The following CSMD1 variants were observed in gnomAD, a reference collection of about 807,000 sequenced individuals.
CSMD1 encodes the protein CUB and sushi domain-containing protein 1.
CSMD1 carries 213 observed loss-of-function variants against 417.5 expected under a neutral mutation model. The observed-to-expected ratio is 0.51, with a 90% CI of 0.46 to 0.57. The LOEUF is 0.57. Among genes scored for constraint, CSMD1 ranks in the 20% least tolerant of loss-of-function variants. CSMD1 has a pLI of 0.00. For synonymous variants in CSMD1, 2,862 were observed against 1,736.8 expected (o/e 1.65, Z -16.11); for missense variants, 6,923 against 4,529.7 (o/e 1.53, Z -15.17).
intron 5 of CSMD1, among the ~76,000 whole-genome samples, chr8:3,972,887 C>G (rs116665226): frequency 0.027 from 4,143 of 151,970 alleles, 191 homozygotes; most frequent in African/African-American, 0.094. Context: ...TAAAAACCAT[C>G]AAAATGTAAA....
At chr8:4,426,816 T>C (rs2128943988) in intron 2 of CSMD1, among the ~76,000 whole-genome samples, 1 of 150,346 alleles carries the variant, frequency 6.7e-6, no homozygotes, top group Non-Finnish European at 1.5e-5. Context: ...TATGTAATAT[T>C]ACATGATACA....
chr8:3,108,180 G>C (rs1158869164), intron 44 of CSMD1, among the ~76,000 whole-genome samples: 1 of 152,186 alleles, frequency 6.6e-6, no homozygotes. Flanking sequence ...GGCAGTGTTC[G>C]TGAGAGATAA....
chr8:3,956,338 A>G (rs1811943678), intron 5 of CSMD1, among the ~76,000 whole-genome samples: 1 of 152,202 alleles, frequency 6.6e-6, no homozygotes, highest in South Asian at 2.1e-4. Context: ...TGAATCAGCA[A>G]GATGTTAGTC....
chr8:3,658,608 C>G (rs1798249900), intron 7 of CSMD1, among the ~76,000 whole-genome samples: 1 of 151,722 alleles, frequency 6.6e-6, no homozygotes, highest in Non-Finnish European at 1.5e-5. Context: ...CATGACAAAA[C>G]CCCATCTCTA....
chr8:3,251,741 G>C (rs1451258947), intron 26 of CSMD1, among the ~76,000 whole-genome samples: 1 of 152,016 alleles, frequency 6.6e-6, no homozygotes, highest in Non-Finnish European at 1.5e-5. Flanking sequence ...TTATTTCATT[G>C]AGCAGTGGAT....
At chr8:4,730,013 G>C (rs1002723912) in intron 1 of CSMD1, among the ~76,000 whole-genome samples, 1 of 152,026 alleles carries the variant, frequency 6.6e-6, no homozygotes, top group Admixed American at 6.6e-5. Flanking sequence ...TCGTGATTCA[G>C]AGCACACCTG....
intron 7 of CSMD1, among the ~76,000 whole-genome samples, chr8:3,658,806 T>A (rs1798261392): frequency 6.6e-6 from 1 of 152,020 alleles, no homozygotes; most frequent in Non-Finnish European, 1.5e-5. Flanking sequence ...AAAAATAAAG[T>A]CTTCCAACAA....
chr8:4,441,107 T>TGTTTGTTTG (rs1554478155), intron 2 of CSMD1, among the ~76,000 whole-genome samples: 10 of 125,028 alleles, frequency 8.0e-5, no homozygotes, highest in African/African-American at 2.9e-4. Context: ...TTTTTTTTTT[T>TGTTTGTTTG]TTTTTTTTTT....
At position 4,217,650 on chromosome 8, in the gene CSMD1, C is replaced by T. The variant is rs1157741625; in HGVS notation, c.416-185551G>A. On this transcript the variant is annotated intron_variant, in intron 3 of 69. Transcript: ENST00000635120. ...CTGTTGAAAAAGTTGACTCAGTTGACCTCATCAGAAAAAAAAAAAAATTAG... is the reference window on the plus strand; with the variant it reads ...CTGTTGAAAAAGTTGACTCAGTTGATCTCATCAGAAAAAAAAAAAAATTAG... Among the ~76,000 whole-genome samples, 4 of 118,710 alleles carry T rather than the reference C, an allele frequency of 3.4e-5. No individual in the cohort carries two copies. The East Asian group carries it at 1.2e-3, about 35-fold the overall frequency. The allele number at this position is 118,710 out of a possible 152,430, so 77.9% of individuals were successfully genotyped here. A position where few individuals can be genotyped will look rare whatever the true frequency, so the allele number is the denominator to read the frequency against.
At chr8:4,467,141 G>A (rs75446763) in intron 2 of CSMD1, among the ~76,000 whole-genome samples, 1,339 of 118,182 alleles carry the variant, frequency 0.011, 2 homozygotes, top group Middle Eastern at 0.031. Flanking sequence ...AAAAAAAAAA[G>A]AAAAAAAAAG....
At chr8:3,133,660 G>C (rs1289332899) in intron 41 of CSMD1, among the ~76,000 whole-genome samples, 1 of 152,278 alleles carries the variant, frequency 6.6e-6, no homozygotes, top group East Asian at 1.9e-4. Context: ...GGGGAGGGGT[G>C]AGTGTGATCA....
intron 2 of CSMD1, among the ~76,000 whole-genome samples, chr8:4,492,544 C>T (rs1238837682): frequency 6.6e-6 from 1 of 152,116 alleles, no homozygotes; most frequent in Non-Finnish European, 1.5e-5. Context: ...ACATGATTTG[C>T]TCTAGTTTTT....
chr8:4,448,585 C>T (rs1217463975), intron 2 of CSMD1, among the ~76,000 whole-genome samples: 1 of 152,096 alleles, frequency 6.6e-6, no homozygotes, highest in African/African-American at 2.4e-5. Context: ...CTGTATTGTG[C>T]AATTTTAAAG....
At chr8:3,349,585 A>T (rs1808254150) in intron 21 of CSMD1, among the ~76,000 whole-genome samples, 1 of 151,876 alleles carries the variant, frequency 6.6e-6, no homozygotes, top group African/African-American at 2.4e-5. Flanking sequence ...TGACTCAAAG[A>T]TGCCATTGGG....
Position 4,051,887 on chromosome 8 carries a change from C to CCTTT in CSMD1, c.416-19789_416-19788insAAAG, listed in dbSNP as rs1563058849. Among the ~76,000 whole-genome samples the CCTTT allele has an allele frequency of 3.0e-4, 40 of 133,936 alleles. 1 individual carries two copies. The highest frequency in any genetic ancestry group is 3.6e-3 in the Middle Eastern group (1 of 274). 87.9% of individuals were successfully genotyped at this position (133,936 alleles called of 152,430 possible). ...TTCTTTCCTTCCTCCTTTCTTCCTT[C>CCTTT]CTTCCTTCCTTCCTTCCTTCCTTCC... On this transcript the variant is annotated intron_variant, in intron 3 of 69. Coordinates refer to ENST00000635120, the MANE Select transcript of CSMD1 (RefSeq NM_033225.6).
chr8:2,969,691 G>A (rs1804271370), intron 57 of CSMD1, among the ~76,000 whole-genome samples: 1 of 152,120 alleles, frequency 6.6e-6, no homozygotes, highest in Non-Finnish European at 1.5e-5. Flanking sequence ...GCAACCACTG[G>A]TTACATCCTT....
At chr8:3,338,482 A>G (rs1329276426) in intron 23 of CSMD1, among the ~76,000 whole-genome samples, 1 of 152,260 alleles carries the variant, frequency 6.6e-6, no homozygotes, top group Admixed American at 6.5e-5. Flanking sequence ...GGATCCCCCA[A>G]AAATGAAAAT....
intron 1 of CSMD1, among the ~76,000 whole-genome samples, chr8:4,807,451 T>A (rs938949183): frequency 2.0e-5 from 3 of 152,194 alleles, no homozygotes; most frequent in African/African-American, 7.2e-5. Flanking sequence ...TGGGGCACAC[T>A]TGAGCTGAAA....
At chr8:3,827,940 A>T (rs73658297) in intron 5 of CSMD1, among the ~76,000 whole-genome samples, 3,065 of 152,312 alleles carry the variant, frequency 0.02, 109 homozygotes, top group African/African-American at 0.069. Flanking sequence ...GAGAAAATAA[A>T]GTATCTATCC....
Sources: gnomAD v4.1 joint callset for allele counts (sites outside exome capture counted in the v4.1 genomes callset) on GRCh38, gnomAD v4.1.1 for gene constraint, MANE v1.5 for transcripts, NCBI Gene and HGNC (gene_info 2026-07-23, HGNC 2026-07-21) for gene names.